The following KMT2C variants were observed in gnomAD, a reference collection of about 807,000 sequenced individuals.
KMT2C encodes lysine methyltransferase 2C.
In KMT2C, 88 loss-of-function variants were observed where a neutral mutation model predicts 507.9. That is an observed-to-expected ratio of 0.17 (90% CI 0.15 to 0.21). KMT2C has a LOEUF of 0.21. Ranked by LOEUF, KMT2C falls within the 10% of genes least tolerant of loss-of-function variation. The pLI is 1.00. For synonymous variants in KMT2C, 2,049 were observed against 2,080.8 expected, an observed-to-expected ratio of 0.98 and a Z score of 0.42; for missense variants, 4,954 against 5,957.8, an observed-to-expected ratio of 0.83 and a Z score of 5.55.
intron 35 of KMT2C, 125 bp downstream of exon 35, chr7:152,182,849 A>C (rs2129121334): frequency 1.4e-6 from 1 of 718,672 alleles, no homozygotes; most frequent in Middle Eastern, 3.9e-4. Context: ...TGAAAAGAGA[A>C]ACAAGTCTAT....
intron 12 of KMT2C, 26 bp from the exon 13 acceptor site, chr7:152,249,979 T>TC: frequency 6.8e-7 from 1 of 1,472,704 alleles, no homozygotes; most frequent in Non-Finnish European, 9.5e-7. Flanking sequence ...TTATAAAATC[T>TC]CTAAGGAGTC....
Position 152,238,715 on chromosome 7 carries a change from T to C in KMT2C, c.2644A>G (p.Ile882Val), listed in dbSNP as rs1432496136. 6.2e-7 allele frequency: 1 copy of C among 1,603,422 alleles called. No individual in the cohort carries two copies. The highest frequency in any genetic ancestry group is 8.5e-7 in the Non-Finnish European group (1 of 1,177,644). The stretch of plus-strand genomic sequence containing the variant: ...AATGCAATTTTATTTACCACTTTGA[T>C]GCTCCAAATGGCACTGCCAGGAAGC... The part of the protein sequence containing the change: ...RQLPGSAIWS[I>V]KVGRGSGFPG... The change falls in exon 15 of 59, where the codon ATC becomes GTC. Residue 882 changes from isoleucine (I) to valine (V), a missense_variant. Physicochemically the swap from Ile to Val is conservative, Grantham distance 29. This residue lies in a region of KMT2C where 62 missense variants were observed against 137.2 expected (regional missense o/e 0.45). Coordinates refer to ENST00000262189, the MANE Select transcript of KMT2C (RefSeq NM_170606.3).
chr7:152,367,301 A>G (rs1048575979), intron 1 of KMT2C: 3 of 1,109,918 alleles, frequency 2.7e-6, no homozygotes, highest in African/African-American at 3.1e-5. Flanking sequence ...CAAGTTTCCC[A>G]GCTGGAGGAG....
chr7:152,196,887 G>A (rs1004817920), intron 27 of KMT2C, among the ~76,000 whole-genome samples: 4 of 152,156 alleles, frequency 2.6e-5, no homozygotes, highest in Admixed American at 6.5e-5. Context: ...AGAGGCCAGA[G>A]TGTTAACAGT....
intron 1 of KMT2C, among the ~76,000 whole-genome samples, chr7:152,431,690 G>C (rs2097863873): frequency 6.6e-6 from 1 of 152,044 alleles, no homozygotes; most frequent in Non-Finnish European, 1.5e-5. Flanking sequence ...AGGTAAGAGA[G>C]GGTAGCAATC....
intron 53 of KMT2C, 113 bp downstream of exon 53, chr7:152,146,486 G>T: frequency 9.9e-7 from 1 of 1,011,320 alleles, no homozygotes. Context: ...ACGGGTTAAT[G>T]CACAGGCTCA....
At chr7:152,146,867 A>C in intron 52 of KMT2C, 132 bp from the exon 53 acceptor site, 2 of 843,334 alleles carry the variant, frequency 2.4e-6, no homozygotes, top group Non-Finnish European at 3.6e-6. Flanking sequence ...TAATCTAATA[A>C]ATCTGTTTGG....
chr7:152,182,184 T>C lies in KMT2C; in HGVS notation c.5676A>G (p.Pro1892=), dbSNP rs998668141. The part of the protein sequence containing the change: ...FSPGSSNSRP[P]SPMDPYAKMV... Reference sequence around the variant, plus strand: ...TTTTTGCATATGGATCCATTGGAGATGGTGGTCGTGAGTTAGAGGACCCAG... The same window carrying C: ...TTTTTGCATATGGATCCATTGGAGACGGTGGTCGTGAGTTAGAGGACCCAG... The change falls in exon 36 of 59, where the codon CCA becomes CCG. Residue 1892 remains proline, a synonymous_variant. Transcript: ENST00000262189. 6.2e-7 allele frequency: 1 copy of C among 1,614,090 alleles called. No individual in the cohort carries two copies.
chr7:152,297,055 C>CAGACAGAGAGAGAGAGAGAGAGAGAGAG (rs1315629061), intron 6 of KMT2C, among the ~76,000 whole-genome samples: 2 of 84,406 alleles, frequency 2.4e-5, no homozygotes, highest in African/African-American at 5.5e-5. Context: ...GAAAGAAAGA[C>CAGACAGAGAGAGAGAGAGAGAGAGAGAG]AGAGAGAGAG....
At chr7:152,366,234 C>T (rs776812975) in intron 1 of KMT2C, among the ~76,000 whole-genome samples, 12 of 152,170 alleles carry the variant, frequency 7.9e-5, no homozygotes, top group Non-Finnish European at 1.5e-4. Context: ...ACAAATTCCA[C>T]CTCTGGGTAT....
intron 6 of KMT2C, among the ~76,000 whole-genome samples, chr7:152,291,204 C>T (rs963745388): frequency 2.6e-5 from 4 of 152,048 alleles, no homozygotes; most frequent in Non-Finnish European, 4.4e-5. Flanking sequence ...AATCTCATTC[C>T]GCAGCGCAAA....
intron 23 of KMT2C, among the ~76,000 whole-genome samples, chr7:152,216,869 C>T (rs2094597253): frequency 1.3e-5 from 2 of 152,310 alleles, no homozygotes; most frequent in African/African-American, 4.8e-5. Context: ...TGGTTGAGCA[C>T]TTGTATTCTA....
chr7:152,182,913 G>C, intron 35 of KMT2C, 61 bp downstream of exon 35: 4 of 1,180,034 alleles, frequency 3.4e-6, no homozygotes, highest in Non-Finnish European at 3.6e-6. Context: ...ATAATGCAAA[G>C]ACCTCCCTTC....
chr7:152,418,984 A>C (rs2116721961), intron 1 of KMT2C, among the ~76,000 whole-genome samples: 1 of 152,148 alleles, frequency 6.6e-6, no homozygotes, highest in Non-Finnish European at 1.5e-5. Flanking sequence ...ACTTGAGCCT[A>C]GGAGTTTGAG....
chr7:152,425,952 C>T (rs1466305785), intron 1 of KMT2C, among the ~76,000 whole-genome samples: 3 of 152,046 alleles, frequency 2.0e-5, no homozygotes. Flanking sequence ...AAACCCTAGC[C>T]AGTAGAGTTA....
Position 152,136,706 on chromosome 7 carries a change from A to C in KMT2C, c.*126T>G, listed in dbSNP as rs1352456369. 14 of 695,628 alleles carry C rather than the reference A, an allele frequency of 2.0e-5. No homozygotes were observed. Among genetic ancestry groups the C allele is most frequent in the African/African-American group, 3.5e-5 (2 of 56,726 alleles). 43.1% of individuals were successfully genotyped at this position (695,628 alleles called of 1,614,324 possible). On this transcript the variant is annotated 3_prime_UTR_variant, in exon 59 of 59. Transcript: ENST00000262189. ...AAGGACTGAGGAAATCAGAACTCCC[A>C]GAAGCTTTTTCAAAAAGTCATAAAA...
chr7:152,303,669 C>T (rs1447200163), intron 6 of KMT2C, among the ~76,000 whole-genome samples: 1 of 143,006 alleles, frequency 7.0e-6, no homozygotes, highest in Non-Finnish European at 1.5e-5. Context: ...CACAAACAAA[C>T]GCTGCAGATG....
chr7:152,204,042 G>A (rs563696535), intron 25 of KMT2C, among the ~76,000 whole-genome samples: 35 of 152,076 alleles, frequency 2.3e-4, no homozygotes, highest in Middle Eastern at 3.4e-3. Flanking sequence ...CAGGCCAGAG[G>A]TGACTTGCAT....
intron 31 of KMT2C, among the ~76,000 whole-genome samples, chr7:152,189,713 C>G (rs531221174): frequency 1.3e-5 from 2 of 152,218 alleles, no homozygotes; most frequent in Non-Finnish European, 2.9e-5. Flanking sequence ...CGGGCTTACC[C>G]TACTAAATGC....
Sources: allele counts gnomAD v4.1 joint callset (sites outside exome capture counted in the v4.1 genomes callset), GRCh38; gene constraint gnomAD v4.1.1; regional missense constraint gnomAD v4.1.1; transcripts MANE v1.5; gene names NCBI Gene and HGNC (gene_info 2026-07-23, HGNC 2026-07-21).